GSDMC: variants seen among roughly 807,000 people sequenced by gnomAD.
The protein encoded by GSDMC is gasdermin C, also known as gasdermin-C.
In GSDMC, 59 loss-of-function variants were observed where a neutral mutation model predicts 58.0. The observed-to-expected ratio is 1.02, with a 90% CI of 0.82 to 1.26. The LOEUF is 1.26. GSDMC is among the 50% of genes most tolerant of loss of function. The pLI, the probability that GSDMC is intolerant of heterozygous loss-of-function variation, is 0.00. For synonymous variants in GSDMC, 241 were observed against 220.2 expected, an observed-to-expected ratio of 1.09 and a Z score of -0.83; for missense variants, 659 against 598.5, an observed-to-expected ratio of 1.10 and a Z score of -1.06.
the GSDMC span, among the ~76,000 whole-genome samples, chr8:129,724,138 T>TA: frequency 6.6e-6 from 1 of 152,250 alleles, no homozygotes; most frequent in African/African-American, 2.4e-5. Flanking sequence ...ACCACATGGT[T>TA]AGGAACTAAG....
chr8:129,731,269 A>G, the GSDMC span, among the ~76,000 whole-genome samples: 2 of 152,244 alleles, frequency 1.3e-5, no homozygotes. Context: ...CCTAATGGAA[A>G]GAGTGTGACT....
chr8:129,741,194 T>C, the GSDMC span, among the ~76,000 whole-genome samples: 1 of 152,276 alleles, frequency 6.6e-6, no homozygotes, highest in Non-Finnish European at 1.5e-5. Context: ...TCCTGTTCCA[T>C]TGGCCAATTT....
At chr8:129,748,023 A>C (rs1366766838), downstream of GSDMC, among the ~76,000 whole-genome samples, 1 of 152,176 alleles carries the variant, frequency 6.6e-6, no homozygotes, top group Non-Finnish European at 1.5e-5. Flanking sequence ...CCAGGAAAAA[A>C]AAAATCTCTT....
the GSDMC span, among the ~76,000 whole-genome samples, chr8:129,715,903 T>C: frequency 6.6e-6 from 1 of 152,290 alleles, no homozygotes; most frequent in South Asian, 2.1e-4. Flanking sequence ...AAAAATATCA[T>C]AAGGTTGTAA....
downstream of GSDMC, among the ~76,000 whole-genome samples, chr8:129,745,594 T>G (rs940005308): frequency 1.3e-5 from 2 of 152,118 alleles, no homozygotes; most frequent in Non-Finnish European, 2.9e-5. Context: ...ATACATTTAT[T>G]TATTTTCTCT....
intron 3 of GSDMC, among the ~76,000 whole-genome samples, chr8:129,766,303 G>A (rs770580029): frequency 1.3e-5 from 2 of 152,194 alleles, no homozygotes; most frequent in Non-Finnish European, 2.9e-5. Context: ...TTGGTGGGTG[G>A]ATTGGTAGGG....
At chr8:129,767,113 C>T (rs957357307) in intron 3 of GSDMC, among the ~76,000 whole-genome samples, 1 of 152,144 alleles carries the variant, frequency 6.6e-6, no homozygotes, top group Non-Finnish European at 1.5e-5. Context: ...GCATCCTTAA[C>T]CAGTGGTATA....
chr8:129,769,555 A>T (rs1375235982), intron 3 of GSDMC, among the ~76,000 whole-genome samples: 3 of 152,196 alleles, frequency 2.0e-5, no homozygotes, highest in Admixed American at 6.5e-5. Context: ...AAGCAGAAGC[A>T]AACACATGAG....
intron 1 of GSDMC, 42 bp downstream of exon 1, chr8:129,785,969 G>A (rs1476056853): frequency 6.6e-6 from 1 of 152,194 alleles, no homozygotes; most frequent in Non-Finnish European, 1.5e-5. Flanking sequence ...GCTGATGATA[G>A]TAATCTTTTC....
At chr8:129,718,059 C>T in the GSDMC span, among the ~76,000 whole-genome samples, 2 of 152,112 alleles carry the variant, frequency 1.3e-5, no homozygotes, top group Admixed American at 6.5e-5. Flanking sequence ...AGACCTAAAA[C>T]CATAAAAATC....
chr8:129,725,534 A>G, the GSDMC span, among the ~76,000 whole-genome samples: 3 of 152,224 alleles, frequency 2.0e-5, no homozygotes, highest in African/African-American at 7.2e-5. Context: ...AATTAAAAAT[A>G]GTAATTTAAA....
At chr8:129,725,424 T>A in the GSDMC span, among the ~76,000 whole-genome samples, 1 of 152,212 alleles carries the variant, frequency 6.6e-6, no homozygotes. Flanking sequence ...CTGTGAGGTA[T>A]GTAAGAAAAG....
At chr8:129,759,587 G>A (rs1401689910) in intron 6 of GSDMC, among the ~76,000 whole-genome samples, 3 of 152,078 alleles carry the variant, frequency 2.0e-5, no homozygotes, top group South Asian at 2.1e-4. Flanking sequence ...GAAGACATAC[G>A]AATAGCAAAC....
intron 6 of GSDMC, 61 bp downstream of exon 6, chr8:129,760,484 T>C: frequency 1.1e-6 from 1 of 903,964 alleles, no homozygotes; most frequent in South Asian, 1.4e-5. Flanking sequence ...CTTATAAATA[T>C]ACATACCTCC....
chr8:129,773,582 C>T (rs2034127762), intron 3 of GSDMC, among the ~76,000 whole-genome samples: 2 of 151,802 alleles, frequency 1.3e-5, no homozygotes, highest in Admixed American at 1.3e-4. Context: ...GTCAGGAGTT[C>T]GAGACCAGCC....
At chr8:129,765,819 G>T (rs771478087) in intron 3 of GSDMC, 26 bp from the exon 4 acceptor site, 3 of 1,602,724 alleles carry the variant, frequency 1.9e-6, no homozygotes, top group South Asian at 2.2e-5. Flanking sequence ...AGGAGGACAA[G>T]AGTCAGAGTG....
intron 4 of GSDMC, among the ~76,000 whole-genome samples, chr8:129,764,050 C>T (rs1419489009): frequency 6.6e-6 from 1 of 152,148 alleles, no homozygotes; most frequent in Non-Finnish European, 1.5e-5. Context: ...CATTATTCTT[C>T]CATGAAAATA....
chr8:129,732,623 G>A, the GSDMC span, among the ~76,000 whole-genome samples: 1 of 152,202 alleles, frequency 6.6e-6, no homozygotes, highest in Non-Finnish European at 1.5e-5. Flanking sequence ...AGTATGGATT[G>A]CAAGGAAGCT....
intron 3 of GSDMC, among the ~76,000 whole-genome samples, chr8:129,771,545 T>C (rs1382062455): frequency 6.6e-6 from 1 of 152,134 alleles, no homozygotes; most frequent in East Asian, 1.9e-4. Flanking sequence ...ATGTGGAAAT[T>C]AAATTGAACA....
Sources: allele counts gnomAD v4.1 joint callset (sites outside exome capture counted in the v4.1 genomes callset), GRCh38; gene constraint gnomAD v4.1.1; transcripts MANE v1.5; gene names NCBI Gene and HGNC (gene_info 2026-07-23, HGNC 2026-07-21).